CNOT6L: variants seen among roughly 807,000 people sequenced by gnomAD.
CNOT6L encodes the protein CCR4-NOT transcription complex subunit 6-like.
A neutral mutation model predicts 64.0 loss-of-function variants in CNOT6L; 7 were observed. That is an observed-to-expected ratio of 0.11 (90% CI 0.06 to 0.21). The LOEUF is 0.21. Among genes scored for constraint, CNOT6L ranks in the 10% least tolerant of loss-of-function variants. The pLI, the probability that CNOT6L is intolerant of heterozygous loss-of-function variation, is 1.00. For missense variants in CNOT6L, 245 were observed against 669.0 expected, an observed-to-expected ratio of 0.37 and a Z score of 6.99; for synonymous variants, 193 against 243.4, an observed-to-expected ratio of 0.79 and a Z score of 1.93.
At chr4:77,737,546 G>A (rs1160077807) in intron 8 of CNOT6L, among the ~76,000 whole-genome samples, 2 of 149,852 alleles carry the variant, frequency 1.3e-5, no homozygotes, top group African/African-American at 4.9e-5. Context: ...TCAGCCTCCC[G>A]AGTAGCTGGG....
intron 1 of CNOT6L, among the ~76,000 whole-genome samples, chr4:77,808,670 T>A (rs1732532972): frequency 6.6e-6 from 1 of 152,128 alleles, no homozygotes. Flanking sequence ...TAATGGAAGT[T>A]GTAGACTAGC....
At chr4:77,725,439 G>C (rs927358938) in intron 11 of CNOT6L, among the ~76,000 whole-genome samples, 1 of 152,196 alleles carries the variant, frequency 6.6e-6, no homozygotes. Context: ...TAATAGCAGA[G>C]CTACAGGTAC....
chr4:77,782,986 A>G (rs1422386148), intron 1 of CNOT6L, among the ~76,000 whole-genome samples: 1 of 152,146 alleles, frequency 6.6e-6, no homozygotes, highest in Non-Finnish European at 1.5e-5. Flanking sequence ...GAACAATTTC[A>G]TTAGCAACCC....
At chr4:77,820,239 G>A (rs1305820125), upstream of CNOT6L, among the ~76,000 whole-genome samples, 1 of 152,172 alleles carries the variant, frequency 6.6e-6, no homozygotes, top group Non-Finnish European at 1.5e-5. Context: ...AACGAGGAGG[G>A]TTGATTGACG....
intron 1 of CNOT6L, among the ~76,000 whole-genome samples, chr4:77,794,948 T>A (rs1434010745): frequency 6.8e-6 from 1 of 148,124 alleles, no homozygotes; most frequent in Admixed American, 6.7e-5. Flanking sequence ...AAGATTAATA[T>A]GTCCCCTGCA....
chr4:77,768,479 ATATAT>A (rs1727133272), intron 4 of CNOT6L, among the ~76,000 whole-genome samples: 15 of 3,762 alleles, frequency 4.0e-3, no homozygotes, highest in East Asian at 0.011. Flanking sequence ...AAATAAATAT[ATATAT>A]ATATATATAT....
intron 4 of CNOT6L, among the ~76,000 whole-genome samples, chr4:77,759,238 A>C (rs1725896792): frequency 6.6e-6 from 1 of 151,860 alleles, no homozygotes; most frequent in Admixed American, 6.6e-5. Flanking sequence ...ATTATAGTGC[A>C]AACTAGAAAA....
intron 1 of CNOT6L, among the ~76,000 whole-genome samples, chr4:77,784,835 A>C (rs1426001412): frequency 4.6e-5 from 7 of 152,100 alleles, no homozygotes; most frequent in Non-Finnish European, 1.0e-4. Flanking sequence ...TCTGATACGT[A>C]CATTTTCATC....
intron 1 of CNOT6L, among the ~76,000 whole-genome samples, chr4:77,807,790 A>C (rs1242774351): frequency 6.6e-6 from 1 of 152,204 alleles, no homozygotes; most frequent in African/African-American, 2.4e-5. Context: ...GCAGCAAGAT[A>C]TCTTAGGAAG....
intron 5 of CNOT6L, among the ~76,000 whole-genome samples, chr4:77,753,192 A>G (rs1289346072): frequency 4.8e-5 from 3 of 62,722 alleles, no homozygotes; most frequent in African/African-American, 1.3e-4. Flanking sequence ...TTCCTACCAG[A>G]AAAAAAAAAA....
At chr4:77,746,509 A>G (rs1305352150) in intron 6 of CNOT6L, among the ~76,000 whole-genome samples, 1 of 152,220 alleles carries the variant, frequency 6.6e-6, no homozygotes, top group African/African-American at 2.4e-5. Context: ...GAGAAGCACC[A>G]TACCTCACAA....
At chr4:77,726,116 C>T (rs759094417) in intron 11 of CNOT6L, 51 bp downstream of exon 11, 13 of 1,482,308 alleles carry the variant, frequency 8.8e-6, no homozygotes, top group Admixed American at 6.9e-5. Flanking sequence ...TTTTTTGTTA[C>T]ATGCTTGTAT....
At chr4:77,740,705 T>C (rs534937547) in intron 8 of CNOT6L, among the ~76,000 whole-genome samples, 4 of 152,316 alleles carry the variant, frequency 2.6e-5, no homozygotes, top group African/African-American at 9.6e-5. Context: ...ATATACCATA[T>C]AACAAGATTT....
intron 1 of CNOT6L, among the ~76,000 whole-genome samples, chr4:77,816,080 C>T (rs183153456): frequency 6.6e-6 from 1 of 152,216 alleles, no homozygotes; most frequent in African/African-American, 2.4e-5. Flanking sequence ...GCTTAAAAGC[C>T]CATTTAAGTA....
At chr4:77,812,871 C>A (rs1270783439) in intron 1 of CNOT6L, among the ~76,000 whole-genome samples, 1 of 151,848 alleles carries the variant, frequency 6.6e-6, no homozygotes, top group Non-Finnish European at 1.5e-5. Flanking sequence ...CCAAAACAAT[C>A]TTGAAAAAGA....
intron 4 of CNOT6L, among the ~76,000 whole-genome samples, chr4:77,771,245 G>A (rs1004053221): frequency 1.1e-4 from 17 of 152,254 alleles, no homozygotes; most frequent in Middle Eastern, 3.4e-3. Context: ...CCTGGGAGGC[G>A]GAGGTTGCCG....
At chr4:77,808,519 C>A (rs1732518221) in intron 1 of CNOT6L, among the ~76,000 whole-genome samples, 1 of 151,400 alleles carries the variant, frequency 6.6e-6, no homozygotes, top group African/African-American at 2.4e-5. Flanking sequence ...GTCTCCTATC[C>A]TAGCCCACAG....
intron 4 of CNOT6L, among the ~76,000 whole-genome samples, chr4:77,759,112 A>G (rs758281242): frequency 5.9e-5 from 9 of 152,076 alleles, no homozygotes; most frequent in East Asian, 1.9e-4. Flanking sequence ...AGAAAAGGCA[A>G]TATCTGAAGA....
chr4:77,782,808 A>G (rs1027204537), intron 1 of CNOT6L, among the ~76,000 whole-genome samples: 2 of 152,130 alleles, frequency 1.3e-5, no homozygotes, highest in African/African-American at 4.8e-5. Flanking sequence ...ATACACAACT[A>G]TTAATCATTA....
Sources: gnomAD v4.1 joint callset for allele counts (sites outside exome capture counted in the v4.1 genomes callset) on GRCh38, gnomAD v4.1.1 for gene constraint, MANE v1.5 for transcripts, NCBI Gene and HGNC (gene_info 2026-07-23, HGNC 2026-07-21) for gene names.